Variants in HMGN5 observed in about 807,000 individuals in gnomAD.
The protein encoded by HMGN5 is high mobility group nucleosome binding domain 5.
A neutral mutation model predicts 9.5 loss-of-function variants in HMGN5; 4 were observed. The observed-to-expected ratio is 0.42, with a 90% confidence interval of 0.21 to 0.96. The LOEUF is 0.96. Ranked by LOEUF, HMGN5 falls within the 40% of genes least tolerant of loss-of-function variation. The pLI is 0.30. For synonymous variants in HMGN5, 55 were observed against 57.1 expected (o/e 0.96, Z 0.16); for missense variants, 192 against 187.5 (o/e 1.02, Z -0.14).
intron 1 of HMGN5, among the ~76,000 whole-genome samples, chrX:81,138,787 T>A (rs1602562585): frequency 8.9e-6 from 1 of 112,135 alleles, no homozygotes; most frequent in East Asian, 2.8e-4. Flanking sequence ...TTCAGTAAGT[T>A]TGGAAGATAC....
At chrX:81,115,302 C>A (rs1425231678) in intron 6 of HMGN5, 72 bp from the exon 7 acceptor site, 2 of 1,024,678 alleles carry the variant, frequency 2.0e-6, no homozygotes, top group East Asian at 3.3e-5. Context: ...AATATTTACA[C>A]TGGATTATAT....
chrX:81,123,915 G>A (rs2075275809), intron 1 of HMGN5, among the ~76,000 whole-genome samples: 1 of 111,928 alleles, frequency 8.9e-6, no homozygotes, highest in Admixed American at 9.4e-5. Context: ...TGAACAGTTC[G>A]GTAGACTGTT....
At position 81,114,133 on chromosome X, in the gene HMGN5, C is replaced by A. The variant is rs763154931; in HGVS notation, c.*516G>T. 2.7e-5 allele frequency: 3 copies of A among 111,755 alleles called. No homozygotes were observed. The highest frequency in any genetic ancestry group is 5.6e-5 in the Non-Finnish European group (3 of 53,098). 9.2% of individuals were successfully genotyped at this position (111,755 alleles called of 1,213,427 possible). ...TTTGTGTATTCACATATAATCAAAA[C>A]TGCCCTTCTGAAATAAACATTTGTA... On this transcript the variant is annotated 3_prime_UTR_variant, in exon 7 of 7. Coordinates refer to ENST00000358130, the MANE Select transcript of HMGN5 (RefSeq NM_030763.3).
intron 1 of HMGN5, among the ~76,000 whole-genome samples, chrX:81,178,521 A>C (rs2075450178): frequency 8.9e-6 from 1 of 111,864 alleles, no homozygotes; most frequent in Admixed American, 9.5e-5. Flanking sequence ...AAGAATTTGA[A>C]TCTCTGAATA....
chrX:81,170,578 C>T (rs1197918453), intron 1 of HMGN5, among the ~76,000 whole-genome samples: 3 of 110,578 alleles, frequency 2.7e-5, no homozygotes, highest in Non-Finnish European at 5.7e-5. Context: ...GTGGGTGCAC[C>T]CAGGACATAA....
intron 1 of HMGN5, among the ~76,000 whole-genome samples, chrX:81,163,617 G>A (rs889944589): frequency 1.8e-5 from 2 of 111,567 alleles, no homozygotes; most frequent in African/African-American, 3.3e-5. Context: ...ATGTATCTAT[G>A]GAATATATTT....
intron 1 of HMGN5, among the ~76,000 whole-genome samples, chrX:81,142,200 C>T (rs2075331677): frequency 9.0e-6 from 1 of 111,698 alleles, no homozygotes; most frequent in Admixed American, 9.5e-5. Flanking sequence ...CCAAAAAGCA[C>T]ATCCTCAGGA....
chrX:81,151,306 T>G (rs1327725343), intron 1 of HMGN5, among the ~76,000 whole-genome samples: 3 of 111,867 alleles, frequency 2.7e-5, no homozygotes, highest in African/African-American at 9.8e-5. Context: ...CATTGATCTA[T>G]ATCTCTGTTT....
intron 1 of HMGN5, among the ~76,000 whole-genome samples, chrX:81,166,090 C>T (rs2147630854): frequency 9.0e-6 from 1 of 110,728 alleles, no homozygotes; most frequent in South Asian, 3.8e-4. Context: ...TTACTAGATG[C>T]CAGTAGCACC....
chrX:81,183,587 A>G (rs1397997897), intron 1 of HMGN5, among the ~76,000 whole-genome samples: 2 of 112,554 alleles, frequency 1.8e-5, no homozygotes, highest in Admixed American at 9.3e-5. Flanking sequence ...TTGGGAGCCT[A>G]CATCTGGATT....
chrX:81,183,411 G>A (rs1215346796), intron 1 of HMGN5, among the ~76,000 whole-genome samples: 1 of 112,582 alleles, frequency 8.9e-6, no homozygotes, highest in East Asian at 2.8e-4. Context: ...GCCCTGTGCA[G>A]CCTCAGGAGA....
intron 1 of HMGN5, among the ~76,000 whole-genome samples, chrX:81,178,437 C>G (rs962768857): frequency 8.9e-6 from 1 of 111,743 alleles, no homozygotes; most frequent in Non-Finnish European, 1.9e-5. Flanking sequence ...GACATCTCTA[C>G]GCAAATAAAC....
intron 1 of HMGN5, among the ~76,000 whole-genome samples, chrX:81,144,746 C>T (rs145120930): frequency 1.7e-4 from 19 of 110,998 alleles, no homozygotes; most frequent in African/African-American, 5.2e-4. Flanking sequence ...AAGCTAGGAA[C>T]CTTGAAAAAA....
chrX:81,160,897 G>C (rs1323709864), intron 1 of HMGN5, among the ~76,000 whole-genome samples: 1 of 111,257 alleles, frequency 9.0e-6, no homozygotes, highest in Non-Finnish European at 1.9e-5. Context: ...CTACAACTTT[G>C]GTGTCTTTCA....
rs1340934252 is a variant in HMGN5 at position 81,113,721 on chromosome X, A to G, written c.*928T>C. On this transcript the variant is annotated 3_prime_UTR_variant, in exon 7 of 7. Transcript: ENST00000358130. ...ATATTATGTGATTCCATTTATAATAAATGTTCAGAATAGGCAAATCCATAG... is the reference window on the plus strand; with the variant it reads ...ATATTATGTGATTCCATTTATAATAGATGTTCAGAATAGGCAAATCCATAG... 2.7e-5 allele frequency: 3 copies of G among 111,854 alleles called. No homozygotes were observed. Among genetic ancestry groups the G allele is most frequent in the African/African-American group, 9.8e-5 (3 of 30,741 alleles). The allele number at this position is 111,854 out of a possible 1,213,427, so 9.2% of individuals were successfully genotyped here.
At chrX:81,200,263 G>A (rs1294974331) in intron 1 of HMGN5, among the ~76,000 whole-genome samples, 1 of 111,955 alleles carries the variant, frequency 8.9e-6, no homozygotes, top group South Asian at 3.7e-4. Context: ...CTGTTGGTGG[G>A]AGTGTAAATT....
intron 1 of HMGN5, among the ~76,000 whole-genome samples, chrX:81,160,761 C>T (rs1312109673): frequency 9.0e-6 from 1 of 111,019 alleles, no homozygotes; most frequent in Non-Finnish European, 1.9e-5. Flanking sequence ...TTTCTTTATC[C>T]AGCCTATCAT....
intron 5 of HMGN5, 54 bp from the exon 6 acceptor site, chrX:81,116,395 G>C: frequency 2.4e-6 from 2 of 828,735 alleles, no homozygotes; most frequent in South Asian, 2.8e-5. Context: ...CTGCTGTGTT[G>C]ATTAAATGGT....
At chrX:81,182,375 G>T (rs1237588949) in intron 1 of HMGN5, among the ~76,000 whole-genome samples, 1 of 111,918 alleles carries the variant, frequency 8.9e-6, no homozygotes, top group Non-Finnish European at 1.9e-5. Context: ...ACATGGTTTG[G>T]TTCTGTGTCC....
Sources: gnomAD v4.1 joint callset for allele counts (sites outside exome capture counted in the v4.1 genomes callset) on GRCh38, gnomAD v4.1.1 for gene constraint, MANE v1.5 for transcripts, NCBI Gene and HGNC (gene_info 2026-07-23, HGNC 2026-07-21) for gene names.